The following ZC3H18 variants were observed in gnomAD, a reference collection of about 807,000 sequenced individuals.
The protein encoded by ZC3H18 is zinc finger CCCH domain-containing protein 18.
A neutral mutation model predicts 106.1 loss-of-function variants in ZC3H18; 8 were observed. That is an observed-to-expected ratio of 0.08 (90% CI 0.04 to 0.14). The LOEUF (loss-of-function observed/expected upper bound fraction) is 0.14. Among genes scored for constraint, ZC3H18 ranks in the 10% least tolerant of loss-of-function variants. ZC3H18 has a pLI of 1.00. For missense variants in ZC3H18, 1,318 were observed against 1,278.4 expected (o/e 1.03, Z -0.47); for synonymous variants, 635 against 522.1 (o/e 1.22, Z -2.95).
Position 88,624,595 on chromosome 16 carries a change from C to A in ZC3H18, c.1899-7C>A. The A allele has an allele frequency of 1.9e-6, 3 of 1,612,766 alleles. No homozygotes were observed. The highest frequency in any genetic ancestry group is 2.5e-6 in the Non-Finnish European group (3 of 1,179,574). ...CCCTGCCCTGCTCGAGCCTCCCTGTCTCACAGAGAGAAGTCAGTGAAGAAG... is the reference window on the plus strand; with the variant it reads ...CCCTGCCCTGCTCGAGCCTCCCTGTATCACAGAGAGAAGTCAGTGAAGAAG... On this transcript the variant is annotated splice_region_variant and splice_polypyrimidine_tract_variant and intron_variant, in intron 11 of 17. Coordinates refer to ENST00000301011, the MANE Select transcript of ZC3H18 (RefSeq NM_144604.4).
intron 2 of ZC3H18, among the ~76,000 whole-genome samples, chr16:88,583,572 C>T (rs899726564): frequency 7.9e-5 from 12 of 152,234 alleles, no homozygotes; most frequent in Non-Finnish European, 7.3e-5. Context: ...TCCCCCACTG[C>T]ATGTGAATTT....
chr16:88,623,706 T>C, intron 10 of ZC3H18: 1 of 611,488 alleles, frequency 1.6e-6, no homozygotes, highest in Non-Finnish European at 2.7e-6. Flanking sequence ...CCTCCTGTCC[T>C]GCACACACAT....
chr16:88,594,942 G>A (rs368605962), intron 3 of ZC3H18, among the ~76,000 whole-genome samples: 50 of 152,006 alleles, frequency 3.3e-4, no homozygotes, highest in African/African-American at 1.0e-3. Flanking sequence ...ACCTGAGGTC[G>A]CAAGCTCAAG....
intron 8 of ZC3H18, among the ~76,000 whole-genome samples, chr16:88,617,514 G>C (rs1031632499): frequency 6.6e-6 from 1 of 152,188 alleles, no homozygotes; most frequent in Non-Finnish European, 1.5e-5. Flanking sequence ...ACGTCATTAC[G>C]ATGCTCTTTG....
chr16:88,571,592 G>A (rs574715123), intron 1 of ZC3H18: 3 of 985,250 alleles, frequency 3.0e-6, no homozygotes, highest in South Asian at 4.7e-5. Context: ...TCCCAAAGCC[G>A]GAAACTCCTC....
At chr16:88,600,190 G>T (rs1299943781) in intron 6 of ZC3H18, among the ~76,000 whole-genome samples, 3 of 152,198 alleles carry the variant, frequency 2.0e-5, no homozygotes, top group Non-Finnish European at 2.9e-5. Flanking sequence ...CACTCACACC[G>T]TTGTGGTTCC....
At chr16:88,580,196 GTGTGTGTGTGTGTA>G (rs779890349) in intron 2 of ZC3H18, among the ~76,000 whole-genome samples, 1,053 of 89,912 alleles carry the variant, frequency 0.012, 9 homozygotes, top group African/African-American at 0.019. Context: ...GTGTGTGTGT[GTGTGTGTGTGTGTA>G]TATGTATATG....
chr16:88,599,874 A>C lies in ZC3H18; in HGVS notation c.1014A>C (p.Glu338Asp), dbSNP rs371225285. ...TTACGGTGACCATTGGCGAAGACGA[A>C]CGGGAATTTGACAAAGAAAATGAAG... ...KRFTVTIGED[E>D]REFDKENEVF... is the part of the protein sequence containing the mutation. The change falls in exon 6 of 18, where the codon GAA becomes GAC. Residue 338 changes from glutamate (E) to aspartate (D), a missense_variant. By Grantham distance (45) the Glu-to-Asp change is conservative. Around this residue, in one of 6 missense-constraint regions of ZC3H18, gnomAD observed 848 missense variants for 821.7 expected, o/e 1.03. Coordinates refer to ENST00000301011, the MANE Select transcript of ZC3H18 (RefSeq NM_144604.4). 1.7e-4 allele frequency: 268 copies of C among 1,614,112 alleles called. No individual in the cohort carries two copies. The highest frequency in any genetic ancestry group is 8.2e-4 in the Middle Eastern group (5 of 6,084).
intron 1 of ZC3H18, among the ~76,000 whole-genome samples, chr16:88,576,297 C>A (rs140588742): frequency 6.6e-6 from 1 of 152,128 alleles, no homozygotes; most frequent in African/African-American, 2.4e-5. Flanking sequence ...CCGTTGCAAC[C>A]TCCCAAAGTG....
At chr16:88,609,741 A>C (rs955651756) in intron 7 of ZC3H18, among the ~76,000 whole-genome samples, 1 of 152,118 alleles carries the variant, frequency 6.6e-6, no homozygotes, top group Admixed American at 6.5e-5. Context: ...CTGGGATTAC[A>C]GGTGCCCACC....
rs114711063 is a variant in ZC3H18 at position 88,575,462 on chromosome 16, C to T, written c.-14-1648C>T. Among the ~76,000 whole-genome samples, 785 of 152,148 alleles carry T rather than the reference C, an allele frequency of 5.2e-3. 8 individuals carry two copies. Among genetic ancestry groups the T allele is most frequent in the African/African-American group, 0.018 (736 of 41,538 alleles). On this transcript the variant is annotated intron_variant, in intron 1 of 17. Coordinates refer to ENST00000301011, the MANE Select transcript of ZC3H18 (RefSeq NM_144604.4). ...CAGTCAAGTGACCGCTGACCTGGCA[C>T]TGTCCCTGCTGCTCCACACTCACTT...
At chr16:88,571,812 A>T in intron 1 of ZC3H18, 1 of 293,118 alleles carries the variant, frequency 3.4e-6, no homozygotes, top group Non-Finnish European at 5.1e-6. Flanking sequence ...TCTGTCACCA[A>T]CCTTGATAAC....
chr16:88,627,383 G>A lies in ZC3H18; in HGVS notation c.2109-239G>A, dbSNP rs527889298. 6 of 461,474 alleles carry A rather than the reference G, an allele frequency of 1.3e-5. No homozygotes were observed. The highest frequency in any genetic ancestry group is 3.8e-5 in the Admixed American group (1 of 26,058). The allele number at this position is 461,474 out of a possible 1,614,324, so 28.6% of individuals were successfully genotyped here. A position where few individuals can be genotyped will look rare whatever the true frequency, so the allele number is the denominator to read the frequency against. On this transcript the variant is annotated intron_variant, in intron 13 of 17. Coordinates refer to ENST00000301011, the MANE Select transcript of ZC3H18 (RefSeq NM_144604.4). This position sits in a 1 kb window ranked among gnomAD's most constrained non-coding sequence, Gnocchi z 4.5. ...CTCCCAGAGTGCTGGGATTACAGGCGTGAGCAGCCGTGCCTGGCTGCAACC... is the reference window on the plus strand; with the variant it reads ...CTCCCAGAGTGCTGGGATTACAGGCATGAGCAGCCGTGCCTGGCTGCAACC...
intron 3 of ZC3H18, among the ~76,000 whole-genome samples, chr16:88,588,674 A>G (rs1288435967): frequency 6.6e-6 from 1 of 152,170 alleles, no homozygotes; most frequent in Non-Finnish European, 1.5e-5. Context: ...TCAAGAAAGG[A>G]GTTTGAGACC....
At position 88,620,682 on chromosome 16, in the gene ZC3H18, G is replaced by A. The variant is rs560920936; in HGVS notation, c.1476-1515G>A. On this transcript the variant is annotated intron_variant, in intron 8 of 17. Coordinates refer to ENST00000301011, the MANE Select transcript of ZC3H18 (RefSeq NM_144604.4). ...GGTTGTGGTTCTTAGTGGTGACACC[G>A]AGCCCAGGTTCGGCACCGCACACTG... Among the ~76,000 whole-genome samples the A allele has an allele frequency of 2.0e-3, 299 of 151,890 alleles. 1 individual carries two copies. Among genetic ancestry groups the A allele is most frequent in the Non-Finnish European group, 3.5e-3 (237 of 67,962 alleles).
chr16:88,593,764 A>G (rs1283990418), intron 3 of ZC3H18, among the ~76,000 whole-genome samples: 1 of 152,262 alleles, frequency 6.6e-6, no homozygotes, highest in African/African-American at 2.4e-5. Context: ...TGTGGCTTCA[A>G]GGAGAACAAC....
chr16:88,603,236 G>T (rs1031126041), intron 6 of ZC3H18, among the ~76,000 whole-genome samples: 3 of 151,968 alleles, frequency 2.0e-5, no homozygotes, highest in African/African-American at 7.2e-5. Context: ...AAAGTGCTGG[G>T]ATGACAGGCG....
chr16:88,623,928 C>T, intron 10 of ZC3H18, 30 bp from the exon 11 acceptor site: 1 of 1,584,988 alleles, frequency 6.3e-7, no homozygotes, highest in Non-Finnish European at 8.6e-7. Flanking sequence ...ACCCCCAGGC[C>T]CCTTCCGACA....
At position 88,628,691 on chromosome 16, in the gene ZC3H18, T is replaced by A; in HGVS notation, c.2470-67T>A. Reference sequence around the variant, plus strand: ...GGTTGCTGGCAAGGAACCCATGTCCTCTGGGGCGAGGACACGGCTTCTGGC... The same window carrying A: ...GGTTGCTGGCAAGGAACCCATGTCCACTGGGGCGAGGACACGGCTTCTGGC... On this transcript the variant is annotated intron_variant, in intron 15 of 17. Transcript: ENST00000301011. The A allele has an allele frequency of 2.5e-6, 4 of 1,569,836 alleles. No homozygotes were observed. The South Asian group carries it at 4.5e-5, about 17-fold the overall frequency.
Sources: gnomAD v4.1 joint callset for allele counts (sites outside exome capture counted in the v4.1 genomes callset) on GRCh38, gnomAD v4.1.1 for gene constraint, gnomAD v4.1.1 regional missense constraint, Gnocchi (gnomAD v3.1) non-coding constraint, MANE v1.5 for transcripts, NCBI Gene and HGNC (gene_info 2026-07-23, HGNC 2026-07-21) for gene names.